CNOT9: variants seen among roughly 807,000 people sequenced by gnomAD.
The protein encoded by CNOT9 is RCD1 required for cell differentiation1 homolog.
A neutral mutation model predicts 37.4 loss-of-function variants in CNOT9; 8 were observed. The ratio of observed to expected loss-of-function variants is 0.21; its 90% CI spans 0.13 to 0.39. The LOEUF is 0.39. Ranked by LOEUF, CNOT9 falls within the 10% of genes least tolerant of loss-of-function variation. The pLI, the probability that CNOT9 is intolerant of heterozygous loss-of-function variation, is 1.00. For missense variants in CNOT9, 154 were observed against 365.3 expected (o/e 0.42, Z 4.71); for synonymous variants, 120 against 137.6 (o/e 0.87, Z 0.90).
In CNOT9 at chr2:218,594,165, C is replaced by G; in HGVS notation, c.789C>G (p.Ala263=). 6.2e-7 allele frequency: 1 copy of G among 1,614,204 alleles called. No individual in the cohort carries two copies. The highest frequency in any genetic ancestry group is 8.5e-7 in the Non-Finnish European group (1 of 1,180,044). ...ACCAGCTGAAAGACACAACCTTCGC[C>G]CAGGTGCTAAAAGATGACACCACCA... ...LPDQLKDTTF[A]QVLKDDTTTK... is the part of the protein sequence containing the mutation. Residue 263 remains alanine (A), a synonymous_variant, in exon 8 of 8, where the codon GCC becomes GCG. Coordinates refer to ENST00000273064, the MANE Select transcript of CNOT9 (RefSeq NM_005444.3).
rs148899303 is a variant in CNOT9 at position 218,579,179 on chromosome 2, A to G, written c.25-1382A>G. On this transcript the variant is annotated intron_variant, in intron 1 of 7. Transcript: ENST00000273064. ...GTTTATGCAAAAGGTTTTAGTGTAAACAATGAAAAGTAAGTCTCCCTGTAA... is the reference window on the plus strand; with the variant it reads ...GTTTATGCAAAAGGTTTTAGTGTAAGCAATGAAAAGTAAGTCTCCCTGTAA... Among the ~76,000 whole-genome samples the G allele has an allele frequency of 5.8e-3, 891 of 152,324 alleles. 9 individuals are homozygous for G. Among genetic ancestry groups the G allele is most frequent in the African/African-American group, 0.02 (831 of 41,574 alleles).
At chr2:218,571,726 G>A (rs1420654337) in intron 1 of CNOT9, among the ~76,000 whole-genome samples, 3 of 142,940 alleles carry the variant, frequency 2.1e-5, no homozygotes, top group South Asian at 2.3e-4. Context: ...CATTAGCCAC[G>A]ACGCCTGGCT....
chr2:218,593,009 G>A (rs562692237), intron 7 of CNOT9: 7 of 363,906 alleles, frequency 1.9e-5, no homozygotes, highest in South Asian at 6.8e-5. Flanking sequence ...GCTACTCTAC[G>A]TGGTCAGAGA....
At chr2:218,574,955 T>C (rs1394611699) in intron 1 of CNOT9, among the ~76,000 whole-genome samples, 2 of 152,172 alleles carry the variant, frequency 1.3e-5, no homozygotes, top group Admixed American at 6.5e-5. Context: ...GTCAAAGTTT[T>C]TTTTTTAAAA....
At chr2:218,579,643 C>G (rs376487282) in intron 1 of CNOT9, among the ~76,000 whole-genome samples, 3 of 151,936 alleles carry the variant, frequency 2.0e-5, no homozygotes, top group African/African-American at 7.2e-5. Flanking sequence ...CCTGCCACCA[C>G]GCCCAGCTAA....
chr2:218,582,154 T>G (rs1694408961), intron 2 of CNOT9, among the ~76,000 whole-genome samples: 1 of 152,150 alleles, frequency 6.6e-6, no homozygotes, highest in Non-Finnish European at 1.5e-5. Flanking sequence ...GTGCATATAT[T>G]CACTGCTGTT....
At chr2:218,584,103 A>T (rs1694508721) in intron 3 of CNOT9, among the ~76,000 whole-genome samples, 1 of 152,248 alleles carries the variant, frequency 6.6e-6, no homozygotes, top group Admixed American at 6.5e-5. Context: ...GACACTTAAT[A>T]GCATTTTGTG....
intron 3 of CNOT9, among the ~76,000 whole-genome samples, chr2:218,583,426 G>A (rs143354403): frequency 2.6e-5 from 4 of 152,286 alleles, no homozygotes; most frequent in African/African-American, 9.6e-5. Flanking sequence ...GTGAGGCATA[G>A]TGCATGGCAT....
rs1186603857 is a variant in CNOT9 at position 218,594,989 on chromosome 2, T to C, written c.*713T>C. The C allele has an allele frequency of 6.6e-6, 1 of 152,210 alleles. No individual in the cohort carries two copies. The highest frequency in any genetic ancestry group is 1.5e-5 in the Non-Finnish European group (1 of 68,044). The allele number at this position is 152,210 out of a possible 1,614,324, so 9.4% of individuals were successfully genotyped here. ...GTACAGCAGGAACCCACCACCTGTT[T>C]CCCTTCCTTCTCCCATTCTACTCCC... On this transcript the variant is annotated 3_prime_UTR_variant, in exon 8 of 8. Transcript: ENST00000273064.
intron 3 of CNOT9, among the ~76,000 whole-genome samples, 157 bp from the exon 4 acceptor site, chr2:218,584,455 C>G (rs1266972421): frequency 6.6e-6 from 1 of 152,162 alleles, no homozygotes; most frequent in African/African-American, 2.4e-5. Flanking sequence ...ATTTGAGAAC[C>G]ATTGGTTGAG....
chr2:218,593,443 T>C (rs1258591765), intron 7 of CNOT9: 12 of 763,580 alleles, frequency 1.6e-5, no homozygotes, highest in Non-Finnish European at 2.1e-5. Context: ...AAAATTCTAC[T>C]TGTACAAAGA....
chr2:218,570,515 A>G (rs1417596071), intron 1 of CNOT9, among the ~76,000 whole-genome samples: 1 of 152,200 alleles, frequency 6.6e-6, no homozygotes, highest in Non-Finnish European at 1.5e-5. Context: ...GGTCATTGCA[A>G]TTCCCCTAGC....
Position 218,595,320 on chromosome 2 carries a change from T to G in CNOT9, c.*1044T>G, listed in dbSNP as rs1275956491. The stretch of plus-strand genomic sequence containing the variant: ...TGAATTTCAGCAGCTCCATCTGTCT[T>G]CATGATTGTACTTGAGCAGTATTAG... On this transcript the variant is annotated 3_prime_UTR_variant, in exon 8 of 8. Transcript: ENST00000273064. 1 of 151,940 alleles carries G rather than the reference T, an allele frequency of 6.6e-6. No homozygotes were observed. Among genetic ancestry groups the G allele is most frequent in the Non-Finnish European group, 1.5e-5 (1 of 68,014 alleles). The allele number at this position is 151,940 out of a possible 1,614,324, so 9.4% of individuals were successfully genotyped here.
chr2:218,572,825 C>A, intron 1 of CNOT9: 2 of 333,106 alleles, frequency 6.0e-6, no homozygotes, highest in Non-Finnish European at 8.6e-6. Flanking sequence ...GCCTAACCAG[C>A]AGCATCATTA....
At chr2:218,593,658 CTG>C (rs1202944960) in intron 7 of CNOT9, 14 of 1,317,592 alleles carry the variant, frequency 1.1e-5, no homozygotes, top group Non-Finnish European at 1.4e-5. Context: ...AACCATAAAA[CTG>C]AAGCAATTTC....
intron 3 of CNOT9, 141 bp downstream of exon 3, chr2:218,583,227 GTGTGTGTCTCTCTCTCTCTC>G (rs1167770879): frequency 1.1e-3 from 236 of 209,988 alleles, no homozygotes; most frequent in African/African-American, 2.3e-3. Flanking sequence ...GTGTGTGTGT[GTGTGTGTCTCTCTCTCTCTC>G]TCTCTCTCTC....
intron 1 of CNOT9, 66 bp downstream of exon 1, chr2:218,569,044 T>C (rs753384531): frequency 6.4e-7 from 1 of 1,569,892 alleles, no homozygotes. Flanking sequence ...CGGCCTTCTC[T>C]CCTAATTCCC....
chr2:218,582,832 CCT>C, intron 2 of CNOT9, 137 bp from the exon 3 acceptor site: 2 of 606,432 alleles, frequency 3.3e-6, no homozygotes, highest in Admixed American at 2.9e-5. Context: ...ATTTCTGCTC[CCT>C]CTTTGATGAC....
intron 3 of CNOT9, among the ~76,000 whole-genome samples, chr2:218,583,464 C>T (rs533908159): frequency 2.4e-4 from 36 of 152,168 alleles, no homozygotes; most frequent in African/African-American, 8.7e-4. Context: ...ATTATTTTTC[C>T]AGCACTTTTC....
Sources: gnomAD v4.1 joint callset for allele counts (sites outside exome capture counted in the v4.1 genomes callset) on GRCh38, gnomAD v4.1.1 for gene constraint, MANE v1.5 for transcripts, NCBI Gene and HGNC (gene_info 2026-07-23, HGNC 2026-07-21) for gene names.